Variants in NELL1 observed in about 807,000 individuals in gnomAD.
The protein encoded by NELL1 is neural EGFL like 1.
NELL1 carries 76 observed loss-of-function variants against 107.4 expected under a neutral mutation model. That is an observed-to-expected ratio of 0.71 (90% confidence interval 0.59 to 0.86). The LOEUF is 0.86. NELL1 is among the 40% of genes least tolerant of loss of function. The pLI, the probability that NELL1 is intolerant of heterozygous loss-of-function variation, is 0.00. For synonymous variants in NELL1, 353 were observed against 341.2 expected, an observed-to-expected ratio of 1.03 and a Z score of -0.38; for missense variants, 1,024 against 1,005.5, an observed-to-expected ratio of 1.02 and a Z score of -0.25.
chr11:21,144,800 C>T (rs1277199333), intron 13 of NELL1, among the ~76,000 whole-genome samples: 1 of 152,058 alleles, frequency 6.6e-6, no homozygotes, highest in Non-Finnish European at 1.5e-5. Flanking sequence ...ATTGGAGATC[C>T]AGGGAGAGAA....
At chr11:20,914,446 C>G (rs951753488) in intron 5 of NELL1, among the ~76,000 whole-genome samples, 2 of 152,044 alleles carry the variant, frequency 1.3e-5, no homozygotes, top group Non-Finnish European at 2.9e-5. Flanking sequence ...TAAAGAATGT[C>G]TGGGTTCTGA....
intron 2 of NELL1, among the ~76,000 whole-genome samples, chr11:20,707,129 A>C (rs1854984456): frequency 6.6e-6 from 1 of 152,054 alleles, no homozygotes; most frequent in South Asian, 2.1e-4. Context: ...AATCACTGAT[A>C]CCCTTTGTTC....
chr11:21,098,588 C>T (rs1167342728), intron 12 of NELL1, among the ~76,000 whole-genome samples: 2 of 152,142 alleles, frequency 1.3e-5, no homozygotes, highest in Admixed American at 6.5e-5. Flanking sequence ...TTTGGAAAGA[C>T]CAGTGGAAAT....
At chr11:21,003,234 A>G (rs1852261468) in intron 12 of NELL1, among the ~76,000 whole-genome samples, 1 of 152,280 alleles carries the variant, frequency 6.6e-6, no homozygotes, top group South Asian at 2.1e-4. Flanking sequence ...CTATAAACAT[A>G]TAACTTCTTT....
intron 16 of NELL1, among the ~76,000 whole-genome samples, chr11:21,542,542 C>A (rs904985367): frequency 1.3e-5 from 2 of 151,982 alleles, no homozygotes; most frequent in Non-Finnish European, 2.9e-5. Context: ...TCCTTCTGAG[C>A]GATGGGCAGG....
intron 13 of NELL1, among the ~76,000 whole-genome samples, chr11:21,192,922 A>G (rs552440247): frequency 6.6e-6 from 1 of 152,020 alleles, no homozygotes; most frequent in Non-Finnish European, 1.5e-5. Flanking sequence ...GAAGGCGGAC[A>G]TCGTGGAGTC....
chr11:21,423,489 T>C (rs1036715819), intron 15 of NELL1, among the ~76,000 whole-genome samples: 2 of 151,534 alleles, frequency 1.3e-5, no homozygotes, highest in African/African-American at 2.4e-5. Flanking sequence ...AAAACAAAAG[T>C]GACAGAATTA....
chr11:21,530,635 T>A (rs1855970075), intron 15 of NELL1, among the ~76,000 whole-genome samples: 2 of 152,094 alleles, frequency 1.3e-5, no homozygotes, highest in African/African-American at 2.4e-5. Context: ...ACCATTGCAA[T>A]TATAACTTTT....
At chr11:20,682,803 T>A (rs1427460538) in intron 2 of NELL1, among the ~76,000 whole-genome samples, 3 of 152,046 alleles carry the variant, frequency 2.0e-5, no homozygotes, top group Admixed American at 2.0e-4. Flanking sequence ...TATACACTAA[T>A]TTGCATTTTC....
At chr11:21,139,665 A>C (rs2133769871) in intron 13 of NELL1, among the ~76,000 whole-genome samples, 1 of 152,352 alleles carries the variant, frequency 6.6e-6, no homozygotes, top group Non-Finnish European at 1.5e-5. Flanking sequence ...TAGGCACTTG[A>C]TAAACATTTG....
intron 15 of NELL1, among the ~76,000 whole-genome samples, chr11:21,408,231 TTCTCATTATAGTAGC>T (rs1852282557): frequency 6.6e-6 from 1 of 152,014 alleles, no homozygotes; most frequent in African/African-American, 2.4e-5. Flanking sequence ...TCAACTGGCA[TTCTCATTATAGTAGC>T]TCCCATCTCA....
intron 15 of NELL1, among the ~76,000 whole-genome samples, chr11:21,413,948 G>T (rs988848905): frequency 2.0e-5 from 3 of 152,026 alleles, no homozygotes; most frequent in African/African-American, 7.2e-5. Context: ...ATAATAGAAT[G>T]ATCAAGATTT....
Position 21,513,812 on chromosome 11 carries a change from A to C in NELL1, c.1646-20562A>C, listed in dbSNP as rs143315449. Among the ~76,000 whole-genome samples, 97 of 152,314 alleles carry C rather than the reference A, an allele frequency of 6.4e-4. 1 individual carries two copies. The highest frequency in any genetic ancestry group is 2.3e-3 in the African/African-American group (94 of 41,572). On this transcript the variant is annotated intron_variant, in intron 15 of 19. Coordinates refer to ENST00000357134, the MANE Select transcript of NELL1 (RefSeq NM_006157.5). ...ACTGAAATATAAAATACATGGTTCCATAGCCAATTAAGGAACAGAGCCAGA... is the reference window on the plus strand; with the variant it reads ...ACTGAAATATAAAATACATGGTTCCCTAGCCAATTAAGGAACAGAGCCAGA...
intron 2 of NELL1, among the ~76,000 whole-genome samples, chr11:20,732,704 A>G (rs11025723): frequency 0.12 from 18,212 of 151,992 alleles, 1,181 homozygotes; most frequent in Non-Finnish European, 0.15. Context: ...CCAGTTTGAC[A>G]TGAGTAATGA....
At chr11:20,886,855 A>C (rs7117200) in intron 5 of NELL1, among the ~76,000 whole-genome samples, 21,677 of 152,216 alleles carry the variant, frequency 0.14, 2,163 homozygotes, top group African/African-American at 0.25. Flanking sequence ...AAAAAAAGTA[A>C]GATGTAATTT....
At chr11:21,521,320 G>A (rs1414093873) in intron 15 of NELL1, among the ~76,000 whole-genome samples, 1 of 151,990 alleles carries the variant, frequency 6.6e-6, no homozygotes, top group Non-Finnish European at 1.5e-5. Context: ...ATTTTGATTT[G>A]ATATCTGTTT....
Position 20,937,857 on chromosome 11 carries a change from C to T in NELL1, c.1069C>T (p.Arg357Ter), listed in dbSNP as rs371903884. 1.2e-6 allele frequency: 2 copies of T among 1,613,772 alleles called. No individual in the cohort carries two copies. Among genetic ancestry groups the T allele is most frequent in the Non-Finnish European group, 1.7e-6 (2 of 1,179,748 alleles). The change falls in exon 10 of 20, where the codon CGA becomes TGA. Residue 357 changes from arginine to a stop codon, truncating the protein, a stop_gained and splice_region_variant. Coordinates refer to ENST00000357134, the MANE Select transcript of NELL1 (RefSeq NM_006157.5). LOFTEE classifies it high-confidence loss of function. ...TTTAACCAAGAGCTGTCGGGAATGC[C>T]GAGTAAGTGTTAATTTTATGGTCCC... ...RILTKSCREC[R>*]GGVLVKITEM...
intron 2 of NELL1, among the ~76,000 whole-genome samples, chr11:20,708,382 C>T (rs528311192): frequency 3.9e-5 from 6 of 152,300 alleles, no homozygotes; most frequent in Admixed American, 2.0e-4. Flanking sequence ...AACTGGGTAC[C>T]GCAGTTGGAA....
chr11:21,488,147 A>G (rs937719340), intron 15 of NELL1, among the ~76,000 whole-genome samples: 2 of 152,198 alleles, frequency 1.3e-5, no homozygotes, highest in African/African-American at 2.4e-5. Flanking sequence ...GAAATCATGG[A>G]TTTAAATTGG....
Sources: gnomAD v4.1 joint callset for allele counts (sites outside exome capture counted in the v4.1 genomes callset) on GRCh38, gnomAD v4.1.1 for gene constraint, MANE v1.5 for transcripts, NCBI Gene and HGNC (gene_info 2026-07-23, HGNC 2026-07-21) for gene names.